The following HAT1 variants were observed in gnomAD, a reference collection of about 807,000 sequenced individuals.
HAT1 encodes histone acetyltransferase type B catalytic subunit.
A neutral mutation model predicts 56.6 loss-of-function variants in HAT1; 20 were observed. That is an observed-to-expected ratio of 0.35 (90% CI 0.25 to 0.51). HAT1 has a LOEUF of 0.51. HAT1 is among the 20% of genes least tolerant of loss of function. The probability of loss-of-function intolerance (pLI) is 0.95; values close to 1 mark genes in which losing one functional copy is unlikely to be tolerated. For missense variants in HAT1, 408 were observed against 504.3 expected (o/e 0.81, Z 1.83); for synonymous variants, 146 against 165.5 (o/e 0.88, Z 0.91).
At chr2:171,958,323 C>G (rs1687495211) in intron 4 of HAT1, among the ~76,000 whole-genome samples, 1 of 151,360 alleles carries the variant, frequency 6.6e-6, no homozygotes. Context: ...CTTTTTCTCT[C>G]TCTCTCCCGT....
intron 3 of HAT1, among the ~76,000 whole-genome samples, chr2:171,951,248 G>A (rs1356841400): frequency 6.6e-6 from 1 of 152,084 alleles, no homozygotes; most frequent in East Asian, 1.9e-4. Context: ...ATAGATTAAT[G>A]CCAAAATTTC....
chr2:171,975,733 T>C (rs1450230709), intron 8 of HAT1, among the ~76,000 whole-genome samples: 1 of 152,142 alleles, frequency 6.6e-6, no homozygotes, highest in African/African-American at 2.4e-5. Flanking sequence ...TTTTGGTAAA[T>C]GTTGTTTTCT....
chr2:171,966,674 T>A (rs1234406404), intron 7 of HAT1, 161 bp downstream of exon 7: 10 of 627,474 alleles, frequency 1.6e-5, no homozygotes, highest in Non-Finnish European at 2.6e-5. Context: ...TGAAACAGTG[T>A]AGAAGATTAA....
chr2:171,943,682 A>T (rs1327530703), intron 2 of HAT1, among the ~76,000 whole-genome samples: 1 of 149,928 alleles, frequency 6.7e-6, no homozygotes, highest in Non-Finnish European at 1.5e-5. Flanking sequence ...GTATCTAAAC[A>T]TCATGACACT....
At position 171,951,723 on chromosome 2, in the gene HAT1, C is replaced by T. The variant is rs149052496; in HGVS notation, c.189-1158C>T. On this transcript the variant is annotated intron_variant, in intron 3 of 10. Coordinates refer to ENST00000264108, the MANE Select transcript of HAT1 (RefSeq NM_003642.4). The stretch of plus-strand genomic sequence containing the variant: ...TGCTGGGATTACTGGTGTGAGCCAC[C>T]GTGCCCAGACCAGTTAGTGCTTCTT... 2.1e-4 allele frequency among the ~76,000 whole-genome samples: 32 copies of T among 152,024 alleles called. 1 individual carries two copies. The East Asian group carries it at 4.2e-3, about 20-fold the overall frequency.
chr2:171,928,182 G>A (rs185207620), intron 2 of HAT1, among the ~76,000 whole-genome samples: 1 of 152,330 alleles, frequency 6.6e-6, no homozygotes, highest in African/African-American at 2.4e-5. Flanking sequence ...ACCACCCCCA[G>A]CCACAGGAAA....
At chr2:171,966,377 T>C (rs1244295717) in intron 6 of HAT1, 32 bp from the exon 7 acceptor site, 11 of 1,112,906 alleles carry the variant, frequency 9.9e-6, no homozygotes, top group Non-Finnish European at 1.4e-5. Flanking sequence ...GCGACTGTAA[T>C]TGACCTGCTT....
intron 4 of HAT1, among the ~76,000 whole-genome samples, chr2:171,955,164 G>T (rs1257980815): frequency 6.6e-6 from 1 of 152,190 alleles, no homozygotes; most frequent in Non-Finnish European, 1.5e-5. Flanking sequence ...ACGAATACAG[G>T]TTTTCATACC....
chr2:171,947,737 G>C (rs1343114789), intron 3 of HAT1, among the ~76,000 whole-genome samples: 1 of 152,146 alleles, frequency 6.6e-6, no homozygotes, highest in African/African-American at 2.4e-5. Context: ...AAATTAGCCA[G>C]GTGTAGTGGC....
At chr2:171,946,686 AT>A in intron 2 of HAT1, 21 bp from the exon 3 acceptor site, 29 of 1,419,494 alleles carry the variant, frequency 2.0e-5, no homozygotes, top group Admixed American at 3.6e-5. Flanking sequence ...TAATATCTCT[AT>A]TTTTTTGTCC....
chr2:171,962,449 C>T (rs533356965), intron 4 of HAT1, among the ~76,000 whole-genome samples: 1 of 152,328 alleles, frequency 6.6e-6, no homozygotes, highest in East Asian at 1.9e-4. Context: ...GGCTGGAGTG[C>T]AGTGGCGCAG....
rs1409766398 is a variant in HAT1 at position 171,965,765 on chromosome 2, CTT to C, written c.490-19_490-18del. The C allele has an allele frequency of 1.2e-6, 2 of 1,609,302 alleles. No homozygotes were observed. Among genetic ancestry groups the C allele is most frequent in the Non-Finnish European group, 1.7e-6 (2 of 1,178,058 alleles). Reference sequence around the variant, plus strand: ...TACCTTTGTGATGAGTTTCACCTGACTTTTCCTGGCTTTTTCCCTAGGCTGAC... The same window carrying C: ...TACCTTTGTGATGAGTTTCACCTGACTTCCTGGCTTTTTCCCTAGGCTGAC... On this transcript the variant is annotated intron_variant, in intron 5 of 10. Coordinates refer to ENST00000264108, the MANE Select transcript of HAT1 (RefSeq NM_003642.4).
intron 1 of HAT1, chr2:171,924,987 T>G (rs1028178298): frequency 6.6e-6 from 1 of 152,140 alleles, no homozygotes; most frequent in Non-Finnish European, 1.5e-5. Flanking sequence ...ATTTTCAGGT[T>G]TATTCATTTA....
In HAT1 at chr2:171,983,389, T is replaced by C; in HGVS notation, c.*37T>C. 1 of 1,222,486 alleles carries C rather than the reference T, an allele frequency of 8.2e-7. No individual in the cohort carries two copies. The highest frequency in any genetic ancestry group is 1.5e-5 in the African/African-American group (1 of 65,372). 75.7% of individuals were successfully genotyped at this position (1,222,486 alleles called of 1,614,324 possible). A position where few individuals can be genotyped will look rare whatever the true frequency, so the allele number is the denominator to read the frequency against. On this transcript the variant is annotated 3_prime_UTR_variant, in exon 11 of 11. Transcript: ENST00000264108. ...CTCTGTACAGGAAGCTTGCAAATTTTCTGTACAATGTGCTGTGAAAAATCT... is the reference window on the plus strand; with the variant it reads ...CTCTGTACAGGAAGCTTGCAAATTTCCTGTACAATGTGCTGTGAAAAATCT...
rs1687244360 is a variant in HAT1, at chr2:171,949,250, C to CA, written c.188+2468dup. The stretch of plus-strand genomic sequence containing the variant: ...TTTTTGAGACAGGGTCTTGCTCTGT[C>CA]ACCCAGGCTGAAGTGCAGTGGTGCG... On this transcript the variant is annotated intron_variant, in intron 3 of 10. Transcript: ENST00000264108. 2.6e-5 allele frequency among the ~76,000 whole-genome samples: 4 copies of CA among 152,070 alleles called. No individual in the cohort carries two copies. In the South Asian group the frequency reaches 8.3e-4, roughly 32 times the overall value.
intron 2 of HAT1, among the ~76,000 whole-genome samples, chr2:171,939,907 G>A (rs185614272): frequency 2.0e-5 from 3 of 151,984 alleles, no homozygotes; most frequent in Non-Finnish European, 4.4e-5. Flanking sequence ...TTCTGCCTGG[G>A]ACTACAGGCA....
chr2:171,978,705 CTTCT>C (rs1329589765), intron 9 of HAT1, among the ~76,000 whole-genome samples: 1 of 152,148 alleles, frequency 6.6e-6, no homozygotes, highest in Non-Finnish European at 1.5e-5. Flanking sequence ...TCTCTATGCA[CTTCT>C]TTTTGCTACC....
At chr2:171,981,788 A>G (rs1019714674) in intron 10 of HAT1, among the ~76,000 whole-genome samples, 37 of 152,302 alleles carry the variant, frequency 2.4e-4, no homozygotes, top group African/African-American at 8.7e-4. Flanking sequence ...AAAGTTATCC[A>G]AAGTAGCATT....
At chr2:171,956,392 G>A (rs913057855) in intron 4 of HAT1, among the ~76,000 whole-genome samples, 8 of 151,380 alleles carry the variant, frequency 5.3e-5, no homozygotes, top group Admixed American at 1.3e-4. Context: ...TGTGCCTGTA[G>A]TTCCAGCTAC....
Sources: gnomAD v4.1 joint callset for allele counts (sites outside exome capture counted in the v4.1 genomes callset) on GRCh38, gnomAD v4.1.1 for gene constraint, MANE v1.5 for transcripts, NCBI Gene and HGNC (gene_info 2026-07-23, HGNC 2026-07-21) for gene names.